Variants in CSMD1 observed in about 807,000 individuals in gnomAD.
CSMD1 encodes CUB and sushi domain-containing protein 1.
CSMD1 carries 213 observed loss-of-function variants against 417.5 expected under a neutral mutation model. The ratio of observed to expected loss-of-function variants is 0.51; its 90% CI spans 0.46 to 0.57. The LOEUF (loss-of-function observed/expected upper bound fraction) is 0.57, where lower values mean the gene tolerates loss of function less well. Among genes scored for constraint, CSMD1 ranks in the 20% least tolerant of loss-of-function variants. The probability of loss-of-function intolerance (pLI) is 0.00; values close to 1 mark genes in which losing one functional copy is unlikely to be tolerated. For synonymous variants in CSMD1, 2,862 were observed against 1,736.8 expected, an observed-to-expected ratio of 1.65 and a Z score of -16.11; for missense variants, 6,923 against 4,529.7, an observed-to-expected ratio of 1.53 and a Z score of -15.17.
At chr8:4,914,404 G>T (rs911704166) in intron 1 of CSMD1, among the ~76,000 whole-genome samples, 2 of 151,760 alleles carry the variant, frequency 1.3e-5, no homozygotes, top group African/African-American at 4.8e-5. Flanking sequence ...GTGAAACTCC[G>T]TCTCCACTAA....
Position 4,675,539 on chromosome 8 carries a change from A to G in CSMD1, c.86-37981T>C, listed in dbSNP as rs553166384. Among the ~76,000 whole-genome samples, 15 of 152,292 alleles carry G rather than the reference A, an allele frequency of 9.8e-5. No individual in the cohort carries two copies. In the South Asian group the frequency reaches 1.5e-3, roughly 15 times the overall value. ...TGTAATGGAGGGACAAGTTCTGAGA[A>G]TGGTTTGATATTTCAATGTAGAGAC... On this transcript the variant is annotated intron_variant, in intron 1 of 69. Transcript: ENST00000635120.
chr8:4,120,116 A>C (rs1802397292), intron 3 of CSMD1, among the ~76,000 whole-genome samples: 1 of 152,314 alleles, frequency 6.6e-6, no homozygotes, highest in South Asian at 2.1e-4. Context: ...CCCATTATCC[A>C]TGATGTGAAT....
intron 3 of CSMD1, among the ~76,000 whole-genome samples, chr8:4,058,171 G>C (rs191469050): frequency 7.2e-5 from 11 of 152,246 alleles, no homozygotes; most frequent in African/African-American, 2.6e-4. Context: ...CATGAGCATG[G>C]AATGTTCTTC....
intron 4 of CSMD1, among the ~76,000 whole-genome samples, chr8:4,019,005 A>G (rs1352135953): frequency 6.6e-6 from 1 of 152,242 alleles, no homozygotes; most frequent in Non-Finnish European, 1.5e-5. Flanking sequence ...ACACTTTCTT[A>G]AAATCTACAA....
At chr8:3,525,223 C>G (rs537774396) in intron 10 of CSMD1, among the ~76,000 whole-genome samples, 3 of 152,204 alleles carry the variant, frequency 2.0e-5, no homozygotes, top group Non-Finnish European at 4.4e-5. Context: ...TTTGACCTTC[C>G]TTAGGGGAGA....
chr8:3,446,426 T>G (rs1815314091), intron 12 of CSMD1, among the ~76,000 whole-genome samples: 1 of 152,228 alleles, frequency 6.6e-6, no homozygotes, highest in Admixed American at 6.5e-5. Context: ...CAATGTATCC[T>G]GACAAAAACT....
chr8:4,718,082 A>G (rs1808802048), intron 1 of CSMD1, among the ~76,000 whole-genome samples: 1 of 152,088 alleles, frequency 6.6e-6, no homozygotes, highest in Non-Finnish European at 1.5e-5. Flanking sequence ...GGATCAGGAG[A>G]TCCTCCCACT....
intron 2 of CSMD1, 138 bp from the exon 3 acceptor site, chr8:4,420,203 A>G (rs1797169803): frequency 7.5e-6 from 4 of 531,756 alleles, no homozygotes; most frequent in Admixed American, 2.9e-5. Context: ...GATAATCCAT[A>G]CACATAGCTT....
intron 3 of CSMD1, among the ~76,000 whole-genome samples, chr8:4,314,189 C>A (rs774439910): frequency 6.6e-6 from 1 of 151,974 alleles, no homozygotes. Flanking sequence ...CCTTGGTTCC[C>A]TCATTATTTT....
rs533411986 is a variant in CSMD1, at chr8:4,568,557, A to T, written c.302+68785T>A. Among the ~76,000 whole-genome samples the T allele has an allele frequency of 1.5e-3, 222 of 152,134 alleles. 1 individual carries two copies. The highest frequency in any genetic ancestry group is 5.3e-3 in the African/African-American group (219 of 41,520). On this transcript the variant is annotated intron_variant, in intron 2 of 69. Transcript: ENST00000635120. ...TGGGTTGATTCCAAGGTTTTTCTAT[A>T]CTAAATGGTGCTGCAATACACATAC...
At chr8:4,875,899 C>T (rs968429249) in intron 1 of CSMD1, among the ~76,000 whole-genome samples, 4 of 151,926 alleles carry the variant, frequency 2.6e-5, no homozygotes, top group Admixed American at 2.0e-4. Context: ...TATTTAATTA[C>T]TCAAAAGAGT....
At chr8:3,055,202 G>T (rs1247278443) in intron 49 of CSMD1, among the ~76,000 whole-genome samples, 1 of 152,308 alleles carries the variant, frequency 6.6e-6, no homozygotes, top group South Asian at 2.1e-4. Flanking sequence ...TCATACTCGG[G>T]AGACCAAAGC....
intron 2 of CSMD1, among the ~76,000 whole-genome samples, chr8:4,534,862 A>G (rs1471181441): frequency 1.3e-5 from 2 of 152,064 alleles, no homozygotes; most frequent in Admixed American, 6.6e-5. Flanking sequence ...TCCCGGGTTC[A>G]TGTCACTCTC....
intron 3 of CSMD1, among the ~76,000 whole-genome samples, chr8:4,142,711 C>G (rs1208233297): frequency 6.6e-6 from 1 of 151,034 alleles, no homozygotes; most frequent in African/African-American, 2.5e-5. Flanking sequence ...TAGGGCATTC[C>G]TAGAGGCCAG....
At chr8:4,581,410 T>G (rs1197502045) in intron 2 of CSMD1, among the ~76,000 whole-genome samples, 1 of 152,186 alleles carries the variant, frequency 6.6e-6, no homozygotes, top group Non-Finnish European at 1.5e-5. Flanking sequence ...TGACTCCAAT[T>G]TTTATCTTTT....
At chr8:3,895,181 A>G (rs926161863) in intron 5 of CSMD1, among the ~76,000 whole-genome samples, 4 of 152,226 alleles carry the variant, frequency 2.6e-5, no homozygotes, top group Non-Finnish European at 5.9e-5. Context: ...ACACCAACAA[A>G]GTTTCCTGTT....
At chr8:3,654,490 G>C (rs1407097265) in intron 7 of CSMD1, among the ~76,000 whole-genome samples, 2 of 152,112 alleles carry the variant, frequency 1.3e-5, no homozygotes, top group Admixed American at 6.6e-5. Context: ...TAAAAATCAA[G>C]AGGAGAGATA....
At chr8:4,700,165 T>A (rs963129109) in intron 1 of CSMD1, among the ~76,000 whole-genome samples, 7 of 152,144 alleles carry the variant, frequency 4.6e-5, no homozygotes, top group Non-Finnish European at 1.0e-4. Context: ...CAAGACCTAT[T>A]CAGTTCATGT....
chr8:4,162,627 G>A (rs1253700715), intron 3 of CSMD1, among the ~76,000 whole-genome samples: 2 of 151,976 alleles, frequency 1.3e-5, no homozygotes, highest in Non-Finnish European at 2.9e-5. Flanking sequence ...AAAAAACATT[G>A]AGTAGAAGGT....
Sources: allele counts gnomAD v4.1 joint callset (sites outside exome capture counted in the v4.1 genomes callset), GRCh38; gene constraint gnomAD v4.1.1; transcripts MANE v1.5; gene names NCBI Gene and HGNC (gene_info 2026-07-23, HGNC 2026-07-21).